Variants in CUBN observed in about 807,000 individuals in gnomAD.
CUBN encodes the protein cubilin.
CUBN carries 282 observed loss-of-function variants against 405.3 expected under a neutral mutation model. The observed-to-expected ratio is 0.70, with a 90% CI of 0.63 to 0.77. The LOEUF is 0.77. Ranked by LOEUF, CUBN falls within the 30% of genes least tolerant of loss-of-function variation. CUBN has a pLI of 0.00. For synonymous variants in CUBN, 1,684 were observed against 1,617.0 expected, an observed-to-expected ratio of 1.04 and a Z score of -0.99; for missense variants, 4,514 against 4,475.2, an observed-to-expected ratio of 1.01 and a Z score of -0.25.
intron 29 of CUBN, among the ~76,000 whole-genome samples, chr10:16,986,748 AC>A (rs1435608915): frequency 6.6e-6 from 1 of 151,472 alleles, no homozygotes; most frequent in Non-Finnish European, 1.5e-5. Context: ...AGATCTCCCT[AC>A]CCCCTCGCCT....
intron 12 of CUBN, among the ~76,000 whole-genome samples, chr10:17,103,877 C>G (rs759256395): frequency 3.2e-4 from 48 of 152,102 alleles, no homozygotes; most frequent in Non-Finnish European, 1.5e-4. Context: ...GTGGAAAATA[C>G]TCATGGTGGT....
At chr10:16,904,312 A>G (rs530324832) in intron 50 of CUBN, among the ~76,000 whole-genome samples, 197 bp from the exon 51 acceptor site, 1 of 152,364 alleles carries the variant, frequency 6.6e-6, no homozygotes, top group Non-Finnish European at 1.5e-5. Flanking sequence ...AACAAACACA[A>G]AAAAATCAAA....
intron 60 of CUBN, among the ~76,000 whole-genome samples, chr10:16,848,770 C>T (rs962667885): frequency 7.7e-5 from 10 of 129,460 alleles, no homozygotes; most frequent in South Asian, 2.7e-4. Context: ...GATGCAATCA[C>T]GACTGACTGC....
intron 15 of CUBN, among the ~76,000 whole-genome samples, chr10:17,087,466 C>CT (rs879308596): frequency 1.1e-3 from 87 of 79,634 alleles, no homozygotes; most frequent in South Asian, 3.1e-3. Flanking sequence ...TATTATTTTT[C>CT]TTTTTCTTTT....
chr10:17,014,431 C>A (rs560825341), intron 28 of CUBN, among the ~76,000 whole-genome samples: 1 of 152,100 alleles, frequency 6.6e-6, no homozygotes, highest in Non-Finnish European at 1.5e-5. Context: ...TATAGAGGGG[C>A]CTGGCTATCT....
intron 22 of CUBN, among the ~76,000 whole-genome samples, chr10:17,047,988 C>T (rs531262675): frequency 5.3e-5 from 8 of 152,210 alleles, no homozygotes; most frequent in Non-Finnish European, 8.8e-5. Context: ...TTCACCAAAG[C>T]ATGCATTTAT....
At chr10:17,113,194 G>A (rs967300503) in intron 8 of CUBN, among the ~76,000 whole-genome samples, 8 of 152,178 alleles carry the variant, frequency 5.3e-5, no homozygotes, top group Admixed American at 5.2e-4. Context: ...GAACCCAGGA[G>A]GTGGAGGTTG....
chr10:17,026,783 G>A (rs1324269816), intron 27 of CUBN, among the ~76,000 whole-genome samples: 1 of 152,210 alleles, frequency 6.6e-6, no homozygotes, highest in African/African-American at 2.4e-5. Flanking sequence ...GCAGAGCATG[G>A]TTGATCCCAG....
At chr10:16,979,993 C>T (rs1045170069) in intron 31 of CUBN, among the ~76,000 whole-genome samples, 2 of 151,666 alleles carry the variant, frequency 1.3e-5, no homozygotes, top group African/African-American at 4.8e-5. Flanking sequence ...AACAAATTTA[C>T]AAGAAAAAAA....
intron 59 of CUBN, among the ~76,000 whole-genome samples, chr10:16,859,896 A>T (rs12247041): frequency 6.8e-4 from 104 of 152,294 alleles, no homozygotes; most frequent in African/African-American, 2.4e-3. Context: ...TAGATAGCAC[A>T]AAAGACAGGA....
At chr10:16,969,601 C>A (rs1843497171) in intron 31 of CUBN, among the ~76,000 whole-genome samples, 1 of 152,192 alleles carries the variant, frequency 6.6e-6, no homozygotes, top group South Asian at 2.1e-4. Context: ...GATCCGCCTG[C>A]CTTGGCATCC....
intron 22 of CUBN, among the ~76,000 whole-genome samples, chr10:17,057,279 A>G (rs1835417232): frequency 6.6e-6 from 1 of 152,108 alleles, no homozygotes. Context: ...GTGCAGTCAT[A>G]TTTACACCCA....
intron 56 of CUBN, among the ~76,000 whole-genome samples, chr10:16,887,944 G>A (rs756619018): frequency 1.1e-4 from 16 of 152,104 alleles, no homozygotes; most frequent in Admixed American, 4.6e-4. Flanking sequence ...TGAACCTGGA[G>A]GACATTATGC....
intron 33 of CUBN, among the ~76,000 whole-genome samples, chr10:16,951,799 T>C (rs1388749701): frequency 1.3e-5 from 2 of 152,196 alleles, no homozygotes; most frequent in African/African-American, 2.4e-5. Context: ...CTTTGATGGA[T>C]AGGTGCGCGC....
At chr10:16,916,448 T>C (rs554733346) in intron 45 of CUBN, among the ~76,000 whole-genome samples, 158 of 152,316 alleles carry the variant, frequency 1.0e-3, no homozygotes, top group African/African-American at 3.6e-3. Flanking sequence ...GAAGGGGTAC[T>C]GTGGGGACAC....
intron 9 of CUBN, 150 bp downstream of exon 9, chr10:17,110,769 C>A: frequency 8.5e-7 from 1 of 1,174,506 alleles, no homozygotes; most frequent in East Asian, 2.4e-5. Flanking sequence ...GTGATCTGCC[C>A]ACCTCAGCCT....
chr10:17,075,843 G>A (rs1835844413), intron 17 of CUBN, among the ~76,000 whole-genome samples: 1 of 152,110 alleles, frequency 6.6e-6, no homozygotes, highest in Admixed American at 6.6e-5. Flanking sequence ...AAAAATTTCT[G>A]TTTGCCCTTC....
At position 16,874,559 on chromosome 10, in the gene CUBN, A is replaced by C; in HGVS notation, c.9107-56T>G. 1.9e-6 allele frequency: 3 copies of C among 1,604,402 alleles called. No individual in the cohort carries two copies. The South Asian group carries it at 3.3e-5, about 18-fold the overall frequency. ...AACAACGATTAGTCCCAGCATGGAA[A>C]AATGATTTTAAGAGATTCTATACTA... On this transcript the variant is annotated intron_variant, in intron 57 of 66. Transcript: ENST00000377833.
intron 31 of CUBN, among the ~76,000 whole-genome samples, chr10:16,976,281 T>C (rs11254313): frequency 0.55 from 84,077 of 151,928 alleles, 23,634 homozygotes; most frequent in African/African-American, 0.59. Context: ...CTCACCTTCA[T>C]TCTTAAAGGA....
Sources: gnomAD v4.1 joint callset for allele counts (sites outside exome capture counted in the v4.1 genomes callset) on GRCh38, gnomAD v4.1.1 for gene constraint, MANE v1.5 for transcripts, NCBI Gene and HGNC (gene_info 2026-07-23, HGNC 2026-07-21) for gene names.